The following GABBR2 variants were observed in gnomAD, a reference collection of about 807,000 sequenced individuals.
GABBR2 encodes gamma-aminobutyric acid type B receptor subunit 2.
Under a neutral mutation model 105.6 loss-of-function variants are expected in GABBR2, and 23 were observed. The ratio of observed to expected loss-of-function variants is 0.22; its 90% CI spans 0.16 to 0.31. The LOEUF is 0.31. Ranked by LOEUF, GABBR2 falls within the 10% of genes least tolerant of loss-of-function variation. The pLI, the probability that GABBR2 is intolerant of heterozygous loss-of-function variation, is 1.00. For synonymous variants in GABBR2, 478 were observed against 499.7 expected, an observed-to-expected ratio of 0.96 and a Z score of 0.58; for missense variants, 734 against 1,245.5, an observed-to-expected ratio of 0.59 and a Z score of 6.18.
At chr9:98,568,277 A>C (rs1828778342) in intron 2 of GABBR2, among the ~76,000 whole-genome samples, 1 of 151,862 alleles carries the variant, frequency 6.6e-6, no homozygotes. Flanking sequence ...AGACATGTCC[A>C]CTGTCTTTAG....
chr9:98,658,624 G>A (rs779079985), intron 1 of GABBR2, among the ~76,000 whole-genome samples: 17 of 152,232 alleles, frequency 1.1e-4, no homozygotes, highest in Non-Finnish European at 1.9e-4. Context: ...TCTTAAAAGC[G>A]GGTTCTTCCA....
chr9:98,648,904 T>C (rs1361407426), intron 1 of GABBR2, among the ~76,000 whole-genome samples: 1 of 152,208 alleles, frequency 6.6e-6, no homozygotes, highest in Non-Finnish European at 1.5e-5. Context: ...ACTGAACTAA[T>C]ACCTGGTGAT....
intron 9 of GABBR2, among the ~76,000 whole-genome samples, chr9:98,390,541 A>G (rs781638138): frequency 2.0e-5 from 3 of 152,132 alleles, no homozygotes; most frequent in Admixed American, 1.3e-4. Flanking sequence ...GTAAACTAAC[A>G]TTTATAAGAA....
chr9:98,517,785 C>G (rs1160743114), intron 3 of GABBR2, among the ~76,000 whole-genome samples: 1 of 152,190 alleles, frequency 6.6e-6, no homozygotes, highest in Non-Finnish European at 1.5e-5. Flanking sequence ...TCCAGCTGGG[C>G]TTGGCCAATG....
intron 7 of GABBR2, among the ~76,000 whole-genome samples, chr9:98,413,165 C>T (rs1832619723): frequency 1.3e-5 from 2 of 152,190 alleles, no homozygotes; most frequent in South Asian, 4.1e-4. Context: ...GTTGCAGGGG[C>T]CAGCAGATCA....
At chr9:98,485,942 GGAA>G (rs1300547958) in intron 4 of GABBR2, among the ~76,000 whole-genome samples, 2 of 152,106 alleles carry the variant, frequency 1.3e-5, no homozygotes, top group Admixed American at 6.5e-5. Context: ...TCACATTGGT[GGAA>G]AACTCCGGCC....
At position 98,684,810 on chromosome 9, in the gene GABBR2, C is replaced by T. The variant is rs536345748; in HGVS notation, c.321+23607G>A. 5.3e-5 allele frequency among the ~76,000 whole-genome samples: 8 copies of T among 152,290 alleles called. No individual in the cohort carries two copies. The South Asian group carries it at 1.2e-3, about 24-fold the overall frequency. On this transcript the variant is annotated intron_variant, in intron 1 of 18. Transcript: ENST00000259455. Reference sequence around the variant, plus strand: ...TTATTACGGATCTGTATTTCGTCAGCGCAATGGACTCTGCTTGAATTCCCT... The same window carrying T: ...TTATTACGGATCTGTATTTCGTCAGTGCAATGGACTCTGCTTGAATTCCCT...
intron 8 of GABBR2, among the ~76,000 whole-genome samples, chr9:98,402,312 C>A (rs1832408192): frequency 6.6e-6 from 1 of 152,142 alleles, no homozygotes; most frequent in Non-Finnish European, 1.5e-5. Context: ...TCGGCAGTAA[C>A]ATGGATACTT....
At chr9:98,312,419 C>A (rs12551959) in intron 13 of GABBR2, among the ~76,000 whole-genome samples, 10,088 of 152,274 alleles carry the variant, frequency 0.066, 469 homozygotes, top group East Asian at 0.19. Flanking sequence ...TGTCAGGAAT[C>A]CTACATAAGT....
chr9:98,419,880 G>A (rs1051040198), intron 7 of GABBR2, among the ~76,000 whole-genome samples: 1 of 152,168 alleles, frequency 6.6e-6, no homozygotes, highest in Non-Finnish European at 1.5e-5. Flanking sequence ...GAATTCAGCA[G>A]AGGCAGGAGC....
At chr9:98,530,803 C>T (rs1287300198) in intron 3 of GABBR2, among the ~76,000 whole-genome samples, 1 of 151,996 alleles carries the variant, frequency 6.6e-6, no homozygotes, top group Admixed American at 6.6e-5. Context: ...ATAGGGAGAC[C>T]ACACCATGCT....
chr9:98,468,422 G>A (rs79462249), intron 6 of GABBR2, among the ~76,000 whole-genome samples: 4,788 of 152,254 alleles, frequency 0.031, 232 homozygotes, highest in African/African-American at 0.11. Context: ...AATACAACCT[G>A]TGCAGGGCTG....
At chr9:98,657,980 C>A (rs1255839239) in intron 1 of GABBR2, among the ~76,000 whole-genome samples, 1 of 152,266 alleles carries the variant, frequency 6.6e-6, no homozygotes, top group Non-Finnish European at 1.5e-5. Context: ...ATCACCCAGT[C>A]TCAGGTATTT....
intron 11 of GABBR2, among the ~76,000 whole-genome samples, chr9:98,380,116 G>A (rs572276866): frequency 5.3e-5 from 8 of 152,296 alleles, no homozygotes; most frequent in Non-Finnish European, 8.8e-5. Context: ...CAGGGCTTCC[G>A]TTTTCTGCTC....
chr9:98,424,230 C>A (rs899996106), intron 7 of GABBR2, among the ~76,000 whole-genome samples: 3 of 152,066 alleles, frequency 2.0e-5, no homozygotes, highest in Non-Finnish European at 4.4e-5. Context: ...AGACAAAAAA[C>A]CACATGATTA....
chr9:98,440,008 T>C (rs1326074956), intron 7 of GABBR2, among the ~76,000 whole-genome samples: 1 of 152,194 alleles, frequency 6.6e-6, no homozygotes, highest in Non-Finnish European at 1.5e-5. Flanking sequence ...GAATATTGGC[T>C]ACTGAAGGTC....
chr9:98,518,609 G>A (rs1013490049), intron 3 of GABBR2, among the ~76,000 whole-genome samples: 1 of 152,110 alleles, frequency 6.6e-6, no homozygotes, highest in Non-Finnish European at 1.5e-5. Context: ...CTGCTTTCTC[G>A]GCCCTGCTCT....
intron 1 of GABBR2, among the ~76,000 whole-genome samples, chr9:98,638,347 A>G (rs911419390): frequency 6.6e-6 from 1 of 152,208 alleles, no homozygotes; most frequent in Non-Finnish European, 1.5e-5. Context: ...CAAACCCATC[A>G]GGTTAAAGCT....
chr9:98,690,431 T>C (rs1830669600), intron 1 of GABBR2, among the ~76,000 whole-genome samples: 1 of 152,230 alleles, frequency 6.6e-6, no homozygotes, highest in South Asian at 2.1e-4. Flanking sequence ...TTCATCTTTA[T>C]ACATCAGCTT....
Sources: allele counts gnomAD v4.1 joint callset (sites outside exome capture counted in the v4.1 genomes callset), GRCh38; gene constraint gnomAD v4.1.1; transcripts MANE v1.5; gene names NCBI Gene and HGNC (gene_info 2026-07-23, HGNC 2026-07-21).